Variants in ULK4 observed in about 807,000 individuals in gnomAD.
The protein encoded by ULK4 is unc-51 like kinase 4.
A neutral mutation model predicts 160.6 loss-of-function variants in ULK4; 133 were observed. The ratio of observed to expected loss-of-function variants is 0.83; its 90% CI spans 0.72 to 0.96. The LOEUF is 0.96. Among genes scored for constraint, ULK4 ranks in the 40% least tolerant of loss-of-function variants. The probability of loss-of-function intolerance (pLI) is 0.00; values close to 1 mark genes in which losing one functional copy is unlikely to be tolerated. For synonymous variants in ULK4, 534 were observed against 539.8 expected, an observed-to-expected ratio of 0.99 and a Z score of 0.15; for missense variants, 1,580 against 1,499.5, an observed-to-expected ratio of 1.05 and a Z score of -0.89.
At chr3:41,845,044 C>T (rs761327837) in intron 17 of ULK4, among the ~76,000 whole-genome samples, 1 of 151,552 alleles carries the variant, frequency 6.6e-6, no homozygotes, top group African/African-American at 2.4e-5. Flanking sequence ...CGGCTGACTG[C>T]AAGCTCCGCT....
At chr3:41,573,181 T>C (rs2088063371) in intron 31 of ULK4, among the ~76,000 whole-genome samples, 1 of 152,094 alleles carries the variant, frequency 6.6e-6, no homozygotes, top group South Asian at 2.1e-4. Flanking sequence ...TTTGACAACA[T>C]AGATGAAACA....
chr3:41,762,237 T>C (rs1349578736), intron 21 of ULK4, among the ~76,000 whole-genome samples: 2 of 152,174 alleles, frequency 1.3e-5, no homozygotes, highest in East Asian at 3.8e-4. Context: ...TCTTATTCAT[T>C]CTAGCTAACT....
chr3:41,421,608 A>T (rs1025932930), intron 34 of ULK4, among the ~76,000 whole-genome samples: 2 of 152,200 alleles, frequency 1.3e-5, no homozygotes, highest in South Asian at 4.1e-4. Flanking sequence ...CCTGAATTCC[A>T]GAATCAAATA....
At chr3:41,744,897 A>G (rs574359087) in intron 22 of ULK4, among the ~76,000 whole-genome samples, 1 of 151,916 alleles carries the variant, frequency 6.6e-6, no homozygotes, top group African/African-American at 2.4e-5. Flanking sequence ...CTATATATCA[A>G]TAACATAATG....
chr3:41,499,921 G>C (rs1158550532), intron 32 of ULK4, among the ~76,000 whole-genome samples: 2 of 152,090 alleles, frequency 1.3e-5, no homozygotes, highest in Non-Finnish European at 2.9e-5. Context: ...GTTTGGTTAA[G>C]CTATATTTTT....
chr3:41,661,039 T>C (rs2035134709), intron 30 of ULK4, among the ~76,000 whole-genome samples: 1 of 152,194 alleles, frequency 6.6e-6, no homozygotes, highest in African/African-American at 2.4e-5. Context: ...TAAAATTATT[T>C]GCCTTAGTAG....
At chr3:41,506,767 A>AAAAAAATATATATATAAATATAT in intron 32 of ULK4, among the ~76,000 whole-genome samples, 1 of 56,794 alleles carries the variant, frequency 1.8e-5, no homozygotes, top group Admixed American at 2.2e-4. Flanking sequence ...TGTGATTTAA[A>AAAAAAATATATATATAAATATAT]ATATATATAT....
intron 35 of ULK4, among the ~76,000 whole-genome samples, chr3:41,312,180 T>TG (rs2080064256): frequency 6.6e-6 from 1 of 151,952 alleles, no homozygotes; most frequent in Admixed American, 6.6e-5. Flanking sequence ...CTCACTGTAT[T>TG]GCTCAGGCTG....
At chr3:41,406,963 C>T (rs1476039046) in intron 34 of ULK4, among the ~76,000 whole-genome samples, 1 of 152,122 alleles carries the variant, frequency 6.6e-6, no homozygotes, top group South Asian at 2.1e-4. Context: ...GTTTCCAGGC[C>T]TATGTGCAGG....
intron 33 of ULK4, among the ~76,000 whole-genome samples, chr3:41,459,210 C>T (rs2083626594): frequency 1.3e-5 from 2 of 152,090 alleles, no homozygotes; most frequent in South Asian, 2.1e-4. Context: ...TGCCACCACA[C>T]CCGGCTAATT....
rs1243363527 is a variant in ULK4 at position 41,645,649 on chromosome 3, T to C, written c.3071+17958A>G. Among the ~76,000 whole-genome samples the C allele has an allele frequency of 2.0e-5, 3 of 152,134 alleles. No individual in the cohort carries two copies. In the East Asian group the frequency reaches 5.8e-4, roughly 29 times the overall value. On this transcript the variant is annotated intron_variant, in intron 30 of 36. Coordinates refer to ENST00000301831, the MANE Select transcript of ULK4 (RefSeq NM_017886.4). ...TTTTGGAATAGGTGTGGTGTGGTGCTGAAAAAAATGTATATTCTGTTGATT... is the reference window on the plus strand; with the variant it reads ...TTTTGGAATAGGTGTGGTGTGGTGCCGAAAAAAATGTATATTCTGTTGATT...
At chr3:41,776,087 T>G (rs1286975301) in intron 21 of ULK4, among the ~76,000 whole-genome samples, 2 of 151,006 alleles carry the variant, frequency 1.3e-5, no homozygotes, top group African/African-American at 2.5e-5. Context: ...TAGCTGAGTT[T>G]CCACTGGCCC....
chr3:41,800,388 A>G (rs2125604503), intron 19 of ULK4, 95 bp from the exon 20 acceptor site: 1 of 1,252,114 alleles, frequency 8.0e-7, no homozygotes. Context: ...ATACCAAGAC[A>G]GTAACATGCC....
chr3:41,877,254 G>A (rs1420399772), intron 17 of ULK4, among the ~76,000 whole-genome samples: 5 of 151,952 alleles, frequency 3.3e-5, no homozygotes, highest in Non-Finnish European at 5.9e-5. Context: ...TTTGTTGTTA[G>A]TAACAATACG....
intron 32 of ULK4, among the ~76,000 whole-genome samples, chr3:41,471,109 C>A (rs2083979388): frequency 6.6e-6 from 1 of 152,010 alleles, no homozygotes; most frequent in Admixed American, 6.6e-5. Flanking sequence ...AAGATACTCA[C>A]CTCACTTTTA....
At chr3:41,327,826 A>G (rs1352178968) in intron 35 of ULK4, among the ~76,000 whole-genome samples, 2 of 152,238 alleles carry the variant, frequency 1.3e-5, no homozygotes, top group Non-Finnish European at 2.9e-5. Flanking sequence ...CATTCAGAAC[A>G]TAAGAGGAAC....
intron 35 of ULK4, among the ~76,000 whole-genome samples, chr3:41,272,645 T>C (rs965267237): frequency 2.0e-5 from 3 of 152,058 alleles, no homozygotes; most frequent in Admixed American, 6.6e-5. Context: ...TATGGGTTTA[T>C]AGTTTTCATG....
rs867640527 is a variant in ULK4 at position 41,526,503 on chromosome 3, G to T, written c.3226+39522C>A. 3.5e-4 allele frequency among the ~76,000 whole-genome samples: 54 copies of T among 152,308 alleles called. No individual in the cohort carries two copies. In the Middle Eastern group the frequency reaches 0.01, roughly 29 times the overall value. ...TAAGCTTAAAGGCAAGACCAGAGATGACAGAAATGGTCTATCAGCATGGTC... is the reference window on the plus strand; with the variant it reads ...TAAGCTTAAAGGCAAGACCAGAGATTACAGAAATGGTCTATCAGCATGGTC... On this transcript the variant is annotated intron_variant, in intron 32 of 36. Transcript: ENST00000301831.
At chr3:41,685,767 T>A (rs1185221716) in intron 27 of ULK4, among the ~76,000 whole-genome samples, 2 of 151,880 alleles carry the variant, frequency 1.3e-5, no homozygotes, top group Non-Finnish European at 2.9e-5. Context: ...CTTCAGAGAG[T>A]CTGTCTGGGA....
Sources: gnomAD v4.1 joint callset for allele counts (sites outside exome capture counted in the v4.1 genomes callset) on GRCh38, gnomAD v4.1.1 for gene constraint, MANE v1.5 for transcripts, NCBI Gene and HGNC (gene_info 2026-07-23, HGNC 2026-07-21) for gene names.